GPR161: variants seen among roughly 807,000 people sequenced by gnomAD.
The protein encoded by GPR161 is G-protein coupled receptor RE2.
GPR161 carries 25 observed loss-of-function variants against 39.2 expected under a neutral mutation model. The observed-to-expected ratio is 0.64, with a 90% confidence interval of 0.47 to 0.89. GPR161 has a LOEUF of 0.89. GPR161 is among the 40% of genes least tolerant of loss of function. The probability of loss-of-function intolerance (pLI) is 0.00; values close to 1 mark genes in which losing one functional copy is unlikely to be tolerated. For synonymous variants in GPR161, 286 were observed against 276.6 expected (o/e 1.03, Z -0.34); for missense variants, 547 against 677.8 (o/e 0.81, Z 2.14).
At chr1:168,111,964 G>GA (rs34684224) in intron 1 of GPR161, among the ~76,000 whole-genome samples, 193 of 123,832 alleles carry the variant, frequency 1.6e-3, no homozygotes, top group East Asian at 3.3e-3. Context: ...CTCTTCAACA[G>GA]AAAAAAAAAA....
chr1:168,090,654 G>C lies in GPR161; in HGVS notation c.1114C>G (p.Pro372Ala). The change falls in exon 4 of 6, where the codon CCA becomes GCA. Residue 372 changes from proline to alanine, a missense_variant. Physicochemically the swap from Pro to Ala is conservative, Grantham distance 27. Coordinates refer to ENST00000682931, the MANE Select transcript of GPR161 (RefSeq NM_001375883.1). ...CCTGCCATGAGCGCAGTGAGGTGTG[G>C]GGACAGGCCCAGGTCTGAAAGACAA... ...SNRITDLGLS[P>A]HLTALMAGGQ... The C allele has an allele frequency of 6.2e-7, 1 of 1,607,810 alleles. No homozygotes were observed.
At position 168,085,807 on chromosome 1, in the gene GPR161, A is replaced by G. The variant is rs746627581; in HGVS notation, c.1325-11T>C. 2 of 1,603,754 alleles carry G rather than the reference A, an allele frequency of 1.2e-6. No individual in the cohort carries two copies. The highest frequency in any genetic ancestry group is 1.1e-5 in the South Asian group (1 of 90,646). ...AGTTCTTGGCAGCTTCTGAGGGAGA[A>G]GGCAGAAAAAAAAGTCAGCTGAGGA... On this transcript the variant is annotated splice_polypyrimidine_tract_variant and intron_variant, in intron 5 of 5. Coordinates refer to ENST00000682931, the MANE Select transcript of GPR161 (RefSeq NM_001375883.1).
intron 1 of GPR161, among the ~76,000 whole-genome samples, chr1:168,110,592 GAA>G (rs112057585): frequency 1.4e-5 from 1 of 71,848 alleles, no homozygotes; most frequent in South Asian, 4.0e-4. Context: ...GAAAAGAAAA[GAA>G]AAGAGACAAT....
intron 1 of GPR161, among the ~76,000 whole-genome samples, chr1:168,114,780 G>A (rs1396265511): frequency 6.6e-6 from 1 of 152,202 alleles, no homozygotes; most frequent in Non-Finnish European, 1.5e-5. Context: ...CTGCAAGCCA[G>A]TGTTACCATT....
chr1:168,134,075 C>T (rs1458675340), intron 1 of GPR161, among the ~76,000 whole-genome samples: 4 of 152,124 alleles, frequency 2.6e-5, no homozygotes, highest in African/African-American at 9.7e-5. Context: ...TCCATGAATG[C>T]TTTACATTAT....
At chr1:168,096,133 CAAAAAAAAAAAAAA>C (rs58096092) in intron 3 of GPR161, among the ~76,000 whole-genome samples, 19 of 44,740 alleles carry the variant, frequency 4.2e-4, no homozygotes, top group Non-Finnish European at 4.6e-4. Context: ...GACCCTGTCT[CAAAAAAAAAAAAAA>C]AAAAAAAAAA....
At chr1:168,136,691 C>T in intron 1 of GPR161, 48 bp downstream of exon 1, 1 of 1,088,162 alleles carries the variant, frequency 9.2e-7, no homozygotes, top group African/African-American at 1.6e-5. Flanking sequence ...CCATCCGGAC[C>T]GCCCTCTCCG....
intron 1 of GPR161, among the ~76,000 whole-genome samples, chr1:168,118,098 C>T (rs189989481): frequency 6.6e-6 from 1 of 152,120 alleles, no homozygotes; most frequent in African/African-American, 2.4e-5. Context: ...ATAGTTGACA[C>T]CAAAGGCACA....
intron 1 of GPR161, among the ~76,000 whole-genome samples, chr1:168,106,443 A>G (rs1308580781): frequency 6.6e-6 from 1 of 152,182 alleles, no homozygotes; most frequent in East Asian, 1.9e-4. Context: ...ACAGAAAATT[A>G]TCCGGGAATG....
At chr1:168,116,103 G>A (rs1299850854) in intron 1 of GPR161, among the ~76,000 whole-genome samples, 1 of 152,104 alleles carries the variant, frequency 6.6e-6, no homozygotes, top group Non-Finnish European at 1.5e-5. Flanking sequence ...TATCATAAAA[G>A]TCTCTTCTGA....
rs1450366268 is a variant in GPR161, at chr1:168,100,550, T to C, written c.375-3318A>G. Among the ~76,000 whole-genome samples the C allele has an allele frequency of 2.0e-5, 3 of 152,220 alleles. No homozygotes were observed. In the East Asian group the frequency reaches 5.8e-4, roughly 29 times the overall value. On this transcript the variant is annotated intron_variant, in intron 2 of 5. Transcript: ENST00000682931. The stretch of plus-strand genomic sequence containing the variant: ...CATGACGTCACAGGTAACTGAAAAG[T>C]TGTAATGTGGGAAGGGGCTTCCGAT...
upstream of GPR161, chr1:168,137,311 T>C: frequency 6.5e-7 from 1 of 1,532,310 alleles, no homozygotes; most frequent in South Asian, 1.2e-5. Flanking sequence ...TTTCAGATTC[T>C]TCCCGCAGGC....
chr1:168,101,433 A>C (rs905208720), intron 2 of GPR161, among the ~76,000 whole-genome samples: 1 of 152,246 alleles, frequency 6.6e-6, no homozygotes, highest in African/African-American at 2.4e-5. Context: ...TCCTCACCAC[A>C]GAGAATTATC....
intron 1 of GPR161, among the ~76,000 whole-genome samples, chr1:168,116,643 G>A (rs1697657312): frequency 1.3e-5 from 2 of 152,208 alleles, no homozygotes; most frequent in Admixed American, 1.3e-4. Context: ...AAACAGCCAG[G>A]TGCAAAGGCT....
At chr1:168,118,872 A>G (rs1464857672) in intron 1 of GPR161, 1 of 152,156 alleles carries the variant, frequency 6.6e-6, no homozygotes, top group Non-Finnish European at 1.5e-5. Flanking sequence ...ATTTAGGTAA[A>G]TGCAAATCAA....
rs1477838716 is a variant in GPR161, at chr1:168,098,247, A to G, written c.375-1015T>C. ...CATGGAGCTCCACCTGGCAGGAGAG[A>G]GAGTGCAGGATGGAGAGAGGAGGAG... On this transcript the variant is annotated intron_variant, in intron 2 of 5. Coordinates refer to ENST00000682931, the MANE Select transcript of GPR161 (RefSeq NM_001375883.1). This position sits in a 1 kb window ranked among gnomAD's most constrained non-coding sequence, Gnocchi z 4.1. Among the ~76,000 whole-genome samples, 2 of 152,100 alleles carry G rather than the reference A, an allele frequency of 1.3e-5. No homozygotes were observed. The highest frequency in any genetic ancestry group is 1.3e-4 in the Admixed American group (2 of 15,284).
At chr1:168,126,507 A>C (rs1266550166) in intron 1 of GPR161, among the ~76,000 whole-genome samples, 1 of 152,104 alleles carries the variant, frequency 6.6e-6, no homozygotes, top group African/African-American at 2.4e-5. Context: ...CCTGGAGTGC[A>C]GTGGCGTGAT....
intron 1 of GPR161, among the ~76,000 whole-genome samples, chr1:168,119,088 A>G (rs1177576233): frequency 6.6e-6 from 1 of 151,174 alleles, no homozygotes; most frequent in Non-Finnish European, 1.5e-5. Flanking sequence ...ATTTCTGTGT[A>G]TACCAAAAAG....
chr1:168,089,978 T>C lies in GPR161; in HGVS notation c.1204+586A>G, dbSNP rs542708621. ...GTTTCTACAGGGAGACTGAGTTTCA[T>C]ATCAAAGGACATGGAGTGAGGAGAC... On this transcript the variant is annotated intron_variant, in intron 4 of 5. Coordinates refer to ENST00000682931, the MANE Select transcript of GPR161 (RefSeq NM_001375883.1). Among the ~76,000 whole-genome samples the C allele has an allele frequency of 2.0e-5, 3 of 152,300 alleles. No individual in the cohort carries two copies. The East Asian group carries it at 5.8e-4, about 29-fold the overall frequency.
Sources: allele counts gnomAD v4.1 joint callset (sites outside exome capture counted in the v4.1 genomes callset), GRCh38; gene constraint gnomAD v4.1.1; non-coding constraint Gnocchi (gnomAD v3.1); transcripts MANE v1.5; gene names NCBI Gene and HGNC (gene_info 2026-07-23, HGNC 2026-07-21).